LY75: variants seen among roughly 807,000 people sequenced by gnomAD.
LY75 encodes C-type lectin domain family 13 member B.
Under a neutral mutation model 231.7 loss-of-function variants are expected in LY75, and 185 were observed. That is an observed-to-expected ratio of 0.80 (90% CI 0.71 to 0.90). The LOEUF is 0.90. Among genes scored for constraint, LY75 ranks in the 40% least tolerant of loss-of-function variants. The probability of loss-of-function intolerance (pLI) is 0.00; values close to 1 mark genes in which losing one functional copy is unlikely to be tolerated. For missense variants in LY75, 1,947 were observed against 2,050.2 expected, an observed-to-expected ratio of 0.95 and a Z score of 0.97; for synonymous variants, 668 against 689.0, an observed-to-expected ratio of 0.97 and a Z score of 0.48.
chr2:159,867,524 G>A (rs1316869419), intron 13 of LY75, among the ~76,000 whole-genome samples: 1 of 152,096 alleles, frequency 6.6e-6, no homozygotes, highest in African/African-American at 2.4e-5. Flanking sequence ...TAAGTATATG[G>A]TTTTAAAACT....
rs747396934 is a variant in LY75, at chr2:159,881,243, A to G, written c.1247-3T>C. ...TATCCACACTTCTTCTTTGATATCT[A>G]AAAGAAAAATGTATTATTTGTTTGG... On this transcript the variant is annotated splice_polypyrimidine_tract_variant and splice_region_variant and intron_variant, in intron 7 of 34. Coordinates refer to ENST00000263636, the MANE Select transcript of LY75 (RefSeq NM_002349.4). The G allele has an allele frequency of 6.2e-7, 1 of 1,608,370 alleles. No homozygotes were observed. Among genetic ancestry groups the G allele is most frequent in the South Asian group, 1.1e-5 (1 of 90,312 alleles).
intron 28 of LY75, among the ~76,000 whole-genome samples, chr2:159,827,970 A>G (rs1487550745): frequency 6.6e-6 from 1 of 151,960 alleles, no homozygotes; most frequent in East Asian, 1.9e-4. Context: ...GTAGGGGGCT[A>G]GGGGAGGGAT....
chr2:159,878,249 G>A lies in LY75; in HGVS notation c.1774+75C>T. On this transcript the variant is annotated intron_variant, in intron 11 of 34. Coordinates refer to ENST00000263636, the MANE Select transcript of LY75 (RefSeq NM_002349.4). ...TGTCCCTCACATTTCAAAAGTAAGT[G>A]AGGAACATCTTTGGGAGGAGTGCTG... 5 of 1,534,546 alleles carry A rather than the reference G, an allele frequency of 3.3e-6. No individual in the cohort carries two copies. The South Asian group carries it at 6.5e-5, about 20-fold the overall frequency.
intron 2 of LY75, among the ~76,000 whole-genome samples, chr2:159,894,734 A>G (rs1036499212): frequency 6.6e-6 from 1 of 152,220 alleles, no homozygotes; most frequent in Admixed American, 6.5e-5. Context: ...AGCAGCTTCA[A>G]TGGGGCAGTC....
intron 3 of LY75, among the ~76,000 whole-genome samples, chr2:159,890,647 C>T (rs1307508349): frequency 6.6e-6 from 1 of 152,136 alleles, no homozygotes; most frequent in Non-Finnish European, 1.5e-5. Flanking sequence ...TCGCCCATGT[C>T]CCTGACTGCC....
At chr2:159,902,193 T>A (rs1307200445) in intron 1 of LY75, among the ~76,000 whole-genome samples, 2 of 152,236 alleles carry the variant, frequency 1.3e-5, no homozygotes, top group Non-Finnish European at 2.9e-5. Context: ...TACAACTTTA[T>A]ACCAGTCCTC....
At position 159,804,105 on chromosome 2, in the gene LY75, T is replaced by C. The variant is rs1682729116; in HGVS notation, c.*939A>G. The C allele has an allele frequency of 6.6e-6, 1 of 152,252 alleles. No homozygotes were observed. The highest frequency in any genetic ancestry group is 2.4e-5 in the African/African-American group (1 of 41,476). 9.4% of individuals were successfully genotyped at this position (152,252 alleles called of 1,614,324 possible). On this transcript the variant is annotated 3_prime_UTR_variant, in exon 35 of 35. Coordinates refer to ENST00000263636, the MANE Select transcript of LY75 (RefSeq NM_002349.4). ...AGCACTAAATCTTTAAAAGTCATTGTTTTATAAACAATTATAAACAGAAAA... is the reference window on the plus strand; with the variant it reads ...AGCACTAAATCTTTAAAAGTCATTGCTTTATAAACAATTATAAACAGAAAA...
chr2:159,836,351 A>G (rs568654484), intron 25 of LY75, among the ~76,000 whole-genome samples: 2 of 152,180 alleles, frequency 1.3e-5, no homozygotes, highest in East Asian at 3.9e-4. Context: ...CACTGTTTTC[A>G]CACTTGTTGG....
At position 159,872,432 on chromosome 2, in the gene LY75, C is replaced by G; in HGVS notation, c.2117+19G>C. ...GGACATCAAATTCAGCATAGAAATT[C>G]TCATTCTTAAAGTATTACCTGAACT... On this transcript the variant is annotated intron_variant, in intron 13 of 34. Coordinates refer to ENST00000263636, the MANE Select transcript of LY75 (RefSeq NM_002349.4). 5 of 1,609,390 alleles carry G rather than the reference C, an allele frequency of 3.1e-6. No homozygotes were observed. The highest frequency in any genetic ancestry group is 4.2e-6 in the Non-Finnish European group (5 of 1,178,040).
At chr2:159,904,367 C>A in intron 1 of LY75, among the ~76,000 whole-genome samples, 1 of 152,248 alleles carries the variant, frequency 6.6e-6, no homozygotes, top group Non-Finnish European at 1.5e-5. Context: ...CCCTGTCCTC[C>A]CACATCCACC....
chr2:159,830,184 A>G (rs1560070008), intron 28 of LY75, among the ~76,000 whole-genome samples: 1 of 152,180 alleles, frequency 6.6e-6, no homozygotes, highest in Non-Finnish European at 1.5e-5. Flanking sequence ...AACCATAAAC[A>G]TTTCAGGAAA....
chr2:159,822,418 G>C (rs1455941350), intron 28 of LY75, among the ~76,000 whole-genome samples: 1 of 152,264 alleles, frequency 6.6e-6, no homozygotes, highest in Non-Finnish European at 1.5e-5. Flanking sequence ...AAACAAAGCT[G>C]CTGGGAAGTT....
chr2:159,810,278 C>T (rs1476206073), intron 32 of LY75, among the ~76,000 whole-genome samples: 10 of 152,064 alleles, frequency 6.6e-5, no homozygotes, highest in African/African-American at 2.2e-4. Flanking sequence ...ATGATCTGCC[C>T]GCCTTGGCCT....
rs200624927 is a variant in LY75, at chr2:159,866,544, A to G, written c.2118-1624T>C. Reference sequence around the variant, plus strand: ...AATCCAGTTTAAATTTAGTAGCTACAAGAGGAATTTGCAGTTTATGCCTTC... The same window carrying G: ...AATCCAGTTTAAATTTAGTAGCTACGAGAGGAATTTGCAGTTTATGCCTTC... On this transcript the variant is annotated intron_variant, in intron 13 of 34. Coordinates refer to ENST00000263636, the MANE Select transcript of LY75 (RefSeq NM_002349.4). Among the ~76,000 whole-genome samples the G allele has an allele frequency of 3.9e-5, 6 of 152,126 alleles. No individual in the cohort carries two copies. In the East Asian group the frequency reaches 1.2e-3, roughly 29 times the overall value.
rs1685587161 is a variant in LY75, at chr2:159,886,418, A to ACCTGGAT, written c.908_913+1dup. On this transcript the variant is annotated splice_donor_variant, in intron 5 of 34. Coordinates refer to ENST00000263636, the MANE Select transcript of LY75 (RefSeq NM_002349.4). LOFTEE classifies it high-confidence loss of function. Reference sequence around the variant, plus strand: ...CAGAGGGGGTAGGGAAAGAGCAGTTACCTGGATCCCAGTTGAGAAAGTTTA... The same window carrying ACCTGGAT: ...CAGAGGGGGTAGGGAAAGAGCAGTTACCTGGATCCTGGATCCCAGTTGAGAAAGTTTA... The ACCTGGAT allele has an allele frequency of 1.2e-6, 2 of 1,606,294 alleles. No individual in the cohort carries two copies. Among genetic ancestry groups the ACCTGGAT allele is most frequent in the Admixed American group, 1.7e-5 (1 of 59,570 alleles).
chr2:159,883,396 T>A (rs1685497486), intron 6 of LY75, among the ~76,000 whole-genome samples: 1 of 146,388 alleles, frequency 6.8e-6, no homozygotes, highest in African/African-American at 2.5e-5. Flanking sequence ...ACTTTAATAT[T>A]CTGAAATAGC....
At chr2:159,868,707 A>G (rs1684924236) in intron 13 of LY75, among the ~76,000 whole-genome samples, 1 of 152,188 alleles carries the variant, frequency 6.6e-6, no homozygotes, top group South Asian at 2.1e-4. Context: ...GTTTCTCACA[A>G]ATATCTACAA....
intron 23 of LY75, among the ~76,000 whole-genome samples, chr2:159,846,896 T>C (rs940522838): frequency 6.6e-6 from 1 of 152,238 alleles, no homozygotes; most frequent in Non-Finnish European, 1.5e-5. Flanking sequence ...TTATTGAAGT[T>C]TGTTTTCATT....
intron 2 of LY75, among the ~76,000 whole-genome samples, chr2:159,897,215 G>A (rs1685930730): frequency 6.6e-6 from 1 of 152,116 alleles, no homozygotes; most frequent in South Asian, 2.1e-4. Context: ...ATTAGATCAG[G>A]AGACTAAAAG....
Sources: allele counts gnomAD v4.1 joint callset (sites outside exome capture counted in the v4.1 genomes callset), GRCh38; gene constraint gnomAD v4.1.1; transcripts MANE v1.5; gene names NCBI Gene and HGNC (gene_info 2026-07-23, HGNC 2026-07-21).